The following PRKCE variants were observed in gnomAD, a reference collection of about 807,000 sequenced individuals.
The protein encoded by PRKCE is protein kinase C epsilon type.
PRKCE carries 16 observed loss-of-function variants against 85.4 expected under a neutral mutation model. The ratio of observed to expected loss-of-function variants is 0.19; its 90% confidence interval spans 0.13 to 0.28. PRKCE has a LOEUF of 0.28. Among genes scored for constraint, PRKCE ranks in the 10% least tolerant of loss-of-function variants. The pLI, the probability that PRKCE is intolerant of heterozygous loss-of-function variation, is 1.00. For missense variants in PRKCE, 573 were observed against 975.2 expected, an observed-to-expected ratio of 0.59 and a Z score of 5.49; for synonymous variants, 388 against 371.5, an observed-to-expected ratio of 1.04 and a Z score of -0.51.
At chr2:45,968,064 A>C (rs1701848868) in intron 2 of PRKCE, among the ~76,000 whole-genome samples, 2 of 152,180 alleles carry the variant, frequency 1.3e-5, no homozygotes, top group African/African-American at 4.8e-5. Context: ...AAGATCATGC[A>C]TGTTGGCAAG....
intron 2 of PRKCE, among the ~76,000 whole-genome samples, chr2:45,931,131 T>C (rs1237056578): frequency 6.6e-6 from 1 of 152,252 alleles, no homozygotes; most frequent in East Asian, 1.9e-4. Flanking sequence ...CTAAGCTCTT[T>C]GTTTAAGATT....
At chr2:45,834,666 C>A (rs1690710271) in intron 1 of PRKCE, among the ~76,000 whole-genome samples, 2 of 152,096 alleles carry the variant, frequency 1.3e-5, no homozygotes, top group Admixed American at 6.6e-5. Context: ...ACATCATGAA[C>A]TTACGGTGTG....
intron 11 of PRKCE, among the ~76,000 whole-genome samples, chr2:46,101,859 CAAAAAAAAA>C (rs56811595): frequency 2.4e-4 from 27 of 114,080 alleles, no homozygotes; most frequent in African/African-American, 9.5e-4. Context: ...AACTGGCTTT[CAAAAAAAAA>C]AAAAAAAAAA....
At chr2:45,673,052 C>G (rs867939490) in intron 1 of PRKCE, among the ~76,000 whole-genome samples, 2 of 152,076 alleles carry the variant, frequency 1.3e-5, no homozygotes, top group Non-Finnish European at 2.9e-5. Flanking sequence ...AACAAACAAA[C>G]AAACCAAAAA....
chr2:46,049,022 G>C (rs1708694651), intron 10 of PRKCE, among the ~76,000 whole-genome samples: 2 of 152,150 alleles, frequency 1.3e-5, no homozygotes, highest in South Asian at 4.1e-4. Context: ...AAGCAATTTA[G>C]TTAGGCTCTT....
chr2:45,660,283 G>GAAATAAAAAGAAATAAAAA (rs1675578833), intron 1 of PRKCE, among the ~76,000 whole-genome samples: 1 of 152,104 alleles, frequency 6.6e-6, no homozygotes, highest in Admixed American at 6.5e-5. Context: ...AGGAGAAAAG[G>GAAATAAAAAGAAATAAAAA]ATATTTTATT....
intron 1 of PRKCE, among the ~76,000 whole-genome samples, chr2:45,743,994 G>GTTTTTTTTTTTTTT (rs35173223): frequency 7.6e-6 from 1 of 131,888 alleles, no homozygotes; most frequent in Non-Finnish European, 1.6e-5. Context: ...GCCGTTGTGT[G>GTTTTTTTTTTTTTT]TTTTTTTTTT....
intron 2 of PRKCE, among the ~76,000 whole-genome samples, chr2:45,859,421 GT>G (rs1692966594): frequency 6.6e-6 from 1 of 152,196 alleles, no homozygotes; most frequent in Admixed American, 6.5e-5. Flanking sequence ...GATTTTACCA[GT>G]TGATGCCGCC....
intron 1 of PRKCE, among the ~76,000 whole-genome samples, chr2:45,773,523 C>T (rs1685507549): frequency 6.6e-6 from 1 of 152,198 alleles, no homozygotes. Context: ...GAGATTCACA[C>T]CTGCTCTTGC....
intron 14 of PRKCE, among the ~76,000 whole-genome samples, chr2:46,168,852 TG>T (rs939801125): frequency 6.6e-6 from 1 of 152,138 alleles, no homozygotes; most frequent in Admixed American, 6.5e-5. Context: ...CTTCTCATCT[TG>T]GGTCTTGCAG....
chr2:45,784,852 G>A (rs1686472128), intron 1 of PRKCE, among the ~76,000 whole-genome samples: 1 of 152,104 alleles, frequency 6.6e-6, no homozygotes, highest in Non-Finnish European at 1.5e-5. Flanking sequence ...AGAACTTTCT[G>A]GAATAATGAT....
At chr2:45,862,245 A>ACT (rs1232681596) in intron 2 of PRKCE, among the ~76,000 whole-genome samples, 2 of 149,978 alleles carry the variant, frequency 1.3e-5, no homozygotes, top group Non-Finnish European at 3.0e-5. Context: ...CAAATCTGTT[A>ACT]CTCTGAATTC....
intron 11 of PRKCE, among the ~76,000 whole-genome samples, chr2:46,129,771 C>A (rs950182523): frequency 6.6e-6 from 1 of 152,228 alleles, no homozygotes; most frequent in Non-Finnish European, 1.5e-5. Context: ...CAGGGCAGAG[C>A]CTTGCAGATT....
chr2:45,862,975 C>T (rs969718224), intron 2 of PRKCE, among the ~76,000 whole-genome samples: 2 of 152,196 alleles, frequency 1.3e-5, no homozygotes, highest in African/African-American at 4.8e-5. Context: ...TAATCTACTC[C>T]CTGGTGTCTC....
At chr2:45,746,133 C>T (rs969952575) in intron 1 of PRKCE, among the ~76,000 whole-genome samples, 1 of 152,134 alleles carries the variant, frequency 6.6e-6, no homozygotes. Flanking sequence ...TTCCCTCCTT[C>T]GTTGTTTTGC....
At chr2:45,885,871 T>C (rs1414688492) in intron 2 of PRKCE, among the ~76,000 whole-genome samples, 1 of 152,258 alleles carries the variant, frequency 6.6e-6, no homozygotes, top group African/African-American at 2.4e-5. Flanking sequence ...CAAAATCTTA[T>C]TTTAAGTGCA....
At chr2:45,854,926 T>A (rs535838523) in intron 2 of PRKCE, among the ~76,000 whole-genome samples, 42 of 152,318 alleles carry the variant, frequency 2.8e-4, no homozygotes, top group Non-Finnish European at 5.1e-4. Flanking sequence ...CTTAGTTTAA[T>A]GTATGGAAAA....
chr2:45,760,732 G>A (rs1290694951), intron 1 of PRKCE, among the ~76,000 whole-genome samples: 3 of 152,172 alleles, frequency 2.0e-5, no homozygotes, highest in African/African-American at 7.2e-5. Flanking sequence ...GGGAAAGCTC[G>A]TTGGCCTTGG....
At chr2:46,033,524 G>C (rs779178517) in intron 10 of PRKCE, among the ~76,000 whole-genome samples, 10 of 152,176 alleles carry the variant, frequency 6.6e-5, no homozygotes, top group Non-Finnish European at 1.2e-4. Flanking sequence ...ATAGGGCTTG[G>C]GGATCTGCAT....
Sources: allele counts gnomAD v4.1 joint callset (sites outside exome capture counted in the v4.1 genomes callset), GRCh38; gene constraint gnomAD v4.1.1; transcripts MANE v1.5; gene names NCBI Gene and HGNC (gene_info 2026-07-23, HGNC 2026-07-21).